The following CACNA1E variants were observed in gnomAD, a reference collection of about 807,000 sequenced individuals.
CACNA1E encodes the protein voltage-dependent R-type calcium channel subunit alpha-1E.
A neutral mutation model predicts 259.2 loss-of-function variants in CACNA1E; 40 were observed. The ratio of observed to expected loss-of-function variants is 0.15; its 90% CI spans 0.12 to 0.20. The LOEUF (loss-of-function observed/expected upper bound fraction) is 0.20. Among genes scored for constraint, CACNA1E ranks in the 10% least tolerant of loss-of-function variants. The probability of loss-of-function intolerance (pLI) is 1.00; values close to 1 mark genes in which losing one functional copy is unlikely to be tolerated. For missense variants in CACNA1E, 1,874 were observed against 3,040.1 expected, an observed-to-expected ratio of 0.62 and a Z score of 9.02; for synonymous variants, 1,104 against 1,138.5, an observed-to-expected ratio of 0.97 and a Z score of 0.61.
In CACNA1E at chr1:181,797,460, G is replaced by A. The variant is rs527285535; in HGVS notation, c.6399+602G>A. ...GACCCCCTCAACAGAAACGATCAGC[G>A]GAGAAAAGGCAGGGCTGCTAATGCA... On this transcript the variant is annotated intron_variant, in intron 47 of 47. Coordinates refer to ENST00000367573, the MANE Select transcript of CACNA1E (RefSeq NM_001205293.3). Among the ~76,000 whole-genome samples the A allele has an allele frequency of 1.9e-4, 29 of 152,260 alleles. No individual in the cohort carries two copies. In the South Asian group the frequency reaches 3.5e-3, roughly 19 times the overall value.
At chr1:181,631,506 A>T (rs899379423) in intron 6 of CACNA1E, among the ~76,000 whole-genome samples, 4 of 152,026 alleles carry the variant, frequency 2.6e-5, no homozygotes, top group African/African-American at 9.7e-5. Context: ...TGCTCTGAGC[A>T]TAGGTGGTGT....
intron 1 of CACNA1E, among the ~76,000 whole-genome samples, chr1:181,498,169 G>C (rs1664936712): frequency 6.6e-6 from 1 of 152,192 alleles, no homozygotes; most frequent in South Asian, 2.1e-4. Context: ...CAGCTTTCAT[G>C]ACCTTCTCTT....
intron 2 of CACNA1E, among the ~76,000 whole-genome samples, chr1:181,468,524 T>G (rs1359291380): frequency 6.6e-6 from 1 of 152,198 alleles, no homozygotes; most frequent in Non-Finnish European, 1.5e-5. Context: ...TAAACATGTA[T>G]TCAGAGTCCA....
chr1:181,419,577 G>A (rs917009807), intron 2 of CACNA1E, among the ~76,000 whole-genome samples: 2 of 152,160 alleles, frequency 1.3e-5, no homozygotes, highest in African/African-American at 4.8e-5. Flanking sequence ...ATACATACAA[G>A]CACAGATATT....
intron 3 of CACNA1E, among the ~76,000 whole-genome samples, chr1:181,555,932 C>T (rs932862290): frequency 2.0e-5 from 3 of 152,172 alleles, no homozygotes; most frequent in African/African-American, 7.2e-5. Flanking sequence ...AAAGCTTCCC[C>T]CATCTTTATT....
At chr1:181,510,237 C>G (rs1374970170) in intron 1 of CACNA1E, among the ~76,000 whole-genome samples, 1 of 152,176 alleles carries the variant, frequency 6.6e-6, no homozygotes, top group African/African-American at 2.4e-5. Context: ...TATATACGTT[C>G]CTTTTTTGGA....
At chr1:181,737,705 C>G in intron 23 of CACNA1E, 51 bp downstream of exon 23, 1 of 1,583,590 alleles carries the variant, frequency 6.3e-7, no homozygotes, top group Admixed American at 1.7e-5. Context: ...TGGTGCTCAC[C>G]CCATCCCAGC....
intron 6 of CACNA1E, among the ~76,000 whole-genome samples, chr1:181,614,365 A>G (rs1655023115): frequency 1.3e-5 from 2 of 152,234 alleles, no homozygotes; most frequent in African/African-American, 4.8e-5. Flanking sequence ...GAACACTTCC[A>G]GCATCACTAG....
rs1481287286 is a variant in CACNA1E at position 181,565,467 on chromosome 1, G to A, written c.513-12299G>A. Among the ~76,000 whole-genome samples the A allele has an allele frequency of 2.6e-5, 4 of 152,186 alleles. No individual in the cohort carries two copies. The East Asian group carries it at 7.7e-4, about 29-fold the overall frequency. The stretch of plus-strand genomic sequence containing the variant: ...GGAAGAGAAAACATGGATAGTGACA[G>A]CTCTTGAGCCTTTTAGCTTATGGCT... On this transcript the variant is annotated intron_variant, in intron 3 of 47. Transcript: ENST00000367573.
chr1:181,469,030 TCAA>T (rs1430780271), intron 2 of CACNA1E, among the ~76,000 whole-genome samples: 2 of 151,386 alleles, frequency 1.3e-5, no homozygotes, highest in African/African-American at 2.5e-5. Context: ...ATTCATTCAT[TCAA>T]CAACAACAAA....
chr1:181,489,590 C>T (rs1475703322), intron 1 of CACNA1E, among the ~76,000 whole-genome samples: 1 of 152,102 alleles, frequency 6.6e-6, no homozygotes, highest in Non-Finnish European at 1.5e-5. Context: ...TTTGAGTGCC[C>T]CCAAAATATG....
At position 181,717,256 on chromosome 1, in the gene CACNA1E, G is replaced by A; in HGVS notation, c.1479G>A (p.Val493=). ...LSLVALNTAC[V]AIVHHNQPQW... ...TTGTGGCACTCAACACTGCCTGTGT[G>A]GCCATTGTCCATCACAACCAGCCCC... Residue 493 remains valine (V), a synonymous_variant, in exon 11 of 48, where the codon GTG becomes GTA. Coordinates refer to ENST00000367573, the MANE Select transcript of CACNA1E (RefSeq NM_001205293.3). 1.9e-6 allele frequency: 3 copies of A among 1,613,916 alleles called. No homozygotes were observed. Among genetic ancestry groups the A allele is most frequent in the Non-Finnish European group, 2.5e-6 (3 of 1,179,872 alleles).
At chr1:181,407,808 C>T (rs938224443) in intron 1 of CACNA1E, among the ~76,000 whole-genome samples, 3 of 152,124 alleles carry the variant, frequency 2.0e-5, no homozygotes, top group Admixed American at 6.5e-5. Flanking sequence ...GGCAGGAAAC[C>T]CATTTTACTG....
At chr1:181,698,967 A>G (rs1185349561) in intron 7 of CACNA1E, among the ~76,000 whole-genome samples, 1 of 152,200 alleles carries the variant, frequency 6.6e-6, no homozygotes, top group Non-Finnish European at 1.5e-5. Flanking sequence ...AATATAGTGA[A>G]GAATTTCCTG....
intron 32 of CACNA1E, 43 bp from the exon 33 acceptor site, chr1:181,762,531 T>TTC (rs1553348123): frequency 9.2e-4 from 1,028 of 1,114,492 alleles, no homozygotes; most frequent in African/African-American, 3.8e-3. Flanking sequence ...CTTTTTTTTT[T>TTC]CTTTCCTTTT....
intron 2 of CACNA1E, among the ~76,000 whole-genome samples, chr1:181,444,164 T>C (rs183497529): frequency 5.3e-5 from 8 of 152,258 alleles, no homozygotes; most frequent in Admixed American, 5.2e-4. Flanking sequence ...TCCCGCAGCA[T>C]AGGCAGGGTG....
chr1:181,604,092 C>T (rs957763037), intron 6 of CACNA1E, among the ~76,000 whole-genome samples: 29 of 152,178 alleles, frequency 1.9e-4, no homozygotes, highest in Admixed American at 1.5e-3. Context: ...GTGTTTGCTG[C>T]ACCCATCCTG....
intron 6 of CACNA1E, among the ~76,000 whole-genome samples, chr1:181,650,158 G>A (rs768787019): frequency 1.3e-5 from 2 of 152,222 alleles, no homozygotes; most frequent in Non-Finnish European, 2.9e-5. Context: ...GAAGTCCACA[G>A]GAAGCATGGG....
intron 2 of CACNA1E, among the ~76,000 whole-genome samples, chr1:181,465,646 T>C (rs943451992): frequency 5.3e-5 from 8 of 152,222 alleles, no homozygotes; most frequent in African/African-American, 1.9e-4. Flanking sequence ...TCAATGATTA[T>C]ATATTTTATT....
Sources: gnomAD v4.1 joint callset for allele counts (sites outside exome capture counted in the v4.1 genomes callset) on GRCh38, gnomAD v4.1.1 for gene constraint, MANE v1.5 for transcripts, NCBI Gene and HGNC (gene_info 2026-07-23, HGNC 2026-07-21) for gene names.